Variants in SMC1B observed in about 807,000 individuals in gnomAD.
The protein encoded by SMC1B is structural maintenance of chromosomes protein 1B.
In SMC1B, 60 loss-of-function variants were observed where a neutral mutation model predicts 157.9. The observed-to-expected ratio is 0.38, with a 90% CI of 0.31 to 0.47. The LOEUF (loss-of-function observed/expected upper bound fraction) is 0.47, where lower values mean the gene tolerates loss of function less well. SMC1B is among the 20% of genes least tolerant of loss of function. The pLI is 0.99. For synonymous variants in SMC1B, 445 were observed against 483.0 expected, an observed-to-expected ratio of 0.92 and a Z score of 1.03; for missense variants, 1,165 against 1,426.2, an observed-to-expected ratio of 0.82 and a Z score of 2.95.
At chr22:45,349,597 G>A (rs2086590546) in intron 23 of SMC1B, 131 bp downstream of exon 23, 1 of 621,692 alleles carries the variant, frequency 1.6e-6, no homozygotes, top group Non-Finnish European at 2.8e-6. Flanking sequence ...GCCTCCCATA[G>A]TGCTGGGATT....
In SMC1B at chr22:45,363,111, T is replaced by C. The variant is rs2086737679; in HGVS notation, c.2421-85A>G. 3 of 956,932 alleles carry C rather than the reference T, an allele frequency of 3.1e-6. No homozygotes were observed. The African/African-American group carries it at 5.1e-5, about 16-fold the overall frequency. The allele number at this position is 956,932 out of a possible 1,614,324, so 59.3% of individuals were successfully genotyped here. The stretch of plus-strand genomic sequence containing the variant: ...TCTTATGGGAAATTTCAAACAAATA[T>C]AAAAGTAAAAGGAATACTATAATGA... On this transcript the variant is annotated intron_variant, in intron 15 of 24. Transcript: ENST00000357450.
intron 12 of SMC1B, among the ~76,000 whole-genome samples, chr22:45,375,200 A>G (rs1477180446): frequency 6.6e-6 from 1 of 152,188 alleles, no homozygotes; most frequent in Non-Finnish European, 1.5e-5. Context: ...AAATAATGCA[A>G]CCATTTGTCT....
intron 22 of SMC1B, among the ~76,000 whole-genome samples, chr22:45,351,722 C>A (rs1342337437): frequency 6.6e-6 from 1 of 152,126 alleles, no homozygotes; most frequent in African/African-American, 2.4e-5. Context: ...TAACTTTTTT[C>A]TATTTTCTGT....
At chr22:45,381,524 CT>C (rs1046738395) in intron 12 of SMC1B, among the ~76,000 whole-genome samples, 12 of 152,296 alleles carry the variant, frequency 7.9e-5, no homozygotes, top group Admixed American at 7.2e-4. Flanking sequence ...AAATGTTTAA[CT>C]TACCCCCAGA....
At position 45,400,835 on chromosome 22, in the gene SMC1B, A is replaced by C. The variant is rs547247894; in HGVS notation, c.855-1482T>G. On this transcript the variant is annotated intron_variant, in intron 5 of 24. Coordinates refer to ENST00000357450, the MANE Select transcript of SMC1B (RefSeq NM_148674.5). Reference sequence around the variant, plus strand: ...TAATACACTGACACTCTGATAGAATATAATGAGAAGGACATTTTACTTCTG... The same window carrying C: ...TAATACACTGACACTCTGATAGAATCTAATGAGAAGGACATTTTACTTCTG... Among the ~76,000 whole-genome samples, 3 of 152,356 alleles carry C rather than the reference A, an allele frequency of 2.0e-5. No individual in the cohort carries two copies. In the South Asian group the frequency reaches 6.2e-4, roughly 32 times the overall value.
chr22:45,399,776 AAAT>A (rs1290518435), intron 5 of SMC1B, among the ~76,000 whole-genome samples: 1 of 152,242 alleles, frequency 6.6e-6, no homozygotes, highest in Non-Finnish European at 1.5e-5. Context: ...CTAATTCTAG[AAAT>A]GAGTGGAGTC....
intron 15 of SMC1B, among the ~76,000 whole-genome samples, chr22:45,367,641 C>T (rs1194761557): frequency 6.6e-6 from 1 of 152,180 alleles, no homozygotes; most frequent in Non-Finnish European, 1.5e-5. Flanking sequence ...AGTGATACTT[C>T]CTATGGGCTG....
At chr22:45,398,538 AT>A (rs1007218742) in intron 6 of SMC1B, among the ~76,000 whole-genome samples, 3 of 152,154 alleles carry the variant, frequency 2.0e-5, no homozygotes, top group Non-Finnish European at 4.4e-5. Flanking sequence ...ACTGAGAAAA[AT>A]CCTGCATCGG....
chr22:45,390,869 A>G (rs1451919117), intron 9 of SMC1B, among the ~76,000 whole-genome samples: 3 of 152,286 alleles, frequency 2.0e-5, no homozygotes, highest in South Asian at 2.1e-4. Context: ...TTGAAGGTTT[A>G]ATTTTGTATC....
intron 24 of SMC1B, among the ~76,000 whole-genome samples, chr22:45,345,077 T>A (rs955416697): frequency 2.0e-5 from 3 of 152,220 alleles, no homozygotes; most frequent in Non-Finnish European, 4.4e-5. Flanking sequence ...CTTTGTTTTG[T>A]CCTCTGATAC....
intron 23 of SMC1B, among the ~76,000 whole-genome samples, chr22:45,347,072 T>C (rs1485641066): frequency 2.0e-5 from 3 of 152,098 alleles, no homozygotes; most frequent in East Asian, 1.9e-4. Context: ...TCACAGAATG[T>C]GGGATATAAA....
Position 45,406,668 on chromosome 22 carries a change from T to C in SMC1B, c.412-5A>G. 1 of 1,604,844 alleles carries C rather than the reference T, an allele frequency of 6.2e-7. No homozygotes were observed. The highest frequency in any genetic ancestry group is 1.1e-5 in the South Asian group (1 of 88,682). On this transcript the variant is annotated splice_polypyrimidine_tract_variant and splice_region_variant and intron_variant, in intron 3 of 24. Coordinates refer to ENST00000357450, the MANE Select transcript of SMC1B (RefSeq NM_148674.5). ...TGAAATTGACTCTACAGTTCCCTTT[T>C]AAAAACAGTAATGCACATCAACATA...
At chr22:45,399,976 A>T (rs2087173557) in intron 5 of SMC1B, among the ~76,000 whole-genome samples, 1 of 152,240 alleles carries the variant, frequency 6.6e-6, no homozygotes, top group Non-Finnish European at 1.5e-5. Flanking sequence ...GGTTACAGAT[A>T]AGCAAGAGAA....
At chr22:45,398,044 G>C (rs1057252968) in intron 6 of SMC1B, among the ~76,000 whole-genome samples, 1 of 152,142 alleles carries the variant, frequency 6.6e-6, no homozygotes, top group Non-Finnish European at 1.5e-5. Context: ...TGGTGGGGCC[G>C]AGCAAGCCCC....
At chr22:45,368,673 C>T (rs550769199) in intron 15 of SMC1B, among the ~76,000 whole-genome samples, 10 of 152,102 alleles carry the variant, frequency 6.6e-5, no homozygotes, top group African/African-American at 1.7e-4. Flanking sequence ...CCCACCACCA[C>T]GCCTGGCTAA....
chr22:45,353,923 A>AAAAAAAAAAAAAAAAAAAAAAACC, intron 21 of SMC1B, 55 bp downstream of exon 21: 1 of 1,036,894 alleles, frequency 9.6e-7, no homozygotes, highest in Non-Finnish European at 1.4e-6. Context: ...AAAAAAAACA[A>AAAAAAAAAAAAAAAAAAAAAAACC]CCACCACCGG....
rs1279171007 is a variant in SMC1B at position 45,389,814 on chromosome 22, A to C, written c.1629T>G (p.Thr543=). The C allele has an allele frequency of 3.7e-6, 6 of 1,614,056 alleles. No individual in the cohort carries two copies. Among genetic ancestry groups the C allele is most frequent in the Non-Finnish European group, 5.1e-6 (6 of 1,179,918 alleles). The part of the protein sequence containing the change: ...AVTKVFGRFI[T]AIVVASEKVA... Reference sequence around the variant, plus strand: ...CCTTTTCAGAGGCTACAACAATGGCAGTGATGAACCGGCCAAAAACCTTAG... The same window carrying C: ...CCTTTTCAGAGGCTACAACAATGGCCGTGATGAACCGGCCAAAAACCTTAG... The change falls in exon 10 of 25, where the codon ACT becomes ACG. Residue 543 remains threonine, a synonymous_variant. Transcript: ENST00000357450.
rs1297834079 is a variant in SMC1B at position 45,369,040 on chromosome 22, ATTACCAC to A, written c.2420+907_2420+913del. On this transcript the variant is annotated intron_variant, in intron 15 of 24. Transcript: ENST00000357450. Reference sequence around the variant, plus strand: ...TTTGGTAATATATTATTTCTTGAAAATTACCACTTACTATCTACATATATGAATATTT... The same window carrying A: ...TTTGGTAATATATTATTTCTTGAAAATTACTATCTACATATATGAATATTT... Among the ~76,000 whole-genome samples, 11 of 151,986 alleles carry A rather than the reference ATTACCAC, an allele frequency of 7.2e-5. No individual in the cohort carries two copies. In the South Asian group the frequency reaches 8.3e-4, roughly 11 times the overall value.
Position 45,394,747 on chromosome 22 carries a change from T to G in SMC1B, c.1275A>C (p.Lys425Asn), listed in dbSNP as rs559724404. Residue 425 changes from lysine to asparagine, a missense_variant, in exon 8 of 25, where the codon AAA (lysine) becomes AAC (asparagine). Physicochemically the swap from Lys to Asn is moderately conservative, Grantham distance 94. Coordinates refer to ENST00000357450, the MANE Select transcript of SMC1B (RefSeq NM_148674.5). ...GTTTTTTATGATCTTCTATTTGTTC[T>G]TTTATTTGTTTTAGATTTCCCTAAA... ...GEVQGNLKQI[K>N]EQIEDHKKRI... The G allele has an allele frequency of 1.6e-5, 24 of 1,546,082 alleles. No individual in the cohort carries two copies. The East Asian group carries it at 5.1e-4, about 33-fold the overall frequency.
Sources: gnomAD v4.1 joint callset for allele counts (sites outside exome capture counted in the v4.1 genomes callset) on GRCh38, gnomAD v4.1.1 for gene constraint, MANE v1.5 for transcripts, NCBI Gene and HGNC (gene_info 2026-07-23, HGNC 2026-07-21) for gene names.